Variants in SRGAP2 observed in about 807,000 individuals in gnomAD.
SRGAP2 encodes SLIT-ROBO Rho GTPase-activating protein 2.
SRGAP2 carries 15 observed loss-of-function variants against 57.2 expected under a neutral mutation model. That is an observed-to-expected ratio of 0.26 (90% CI 0.18 to 0.40). The LOEUF is 0.40. Among genes scored for constraint, SRGAP2 ranks in the 10% least tolerant of loss-of-function variants. SRGAP2 has a pLI of 1.00. For synonymous variants in SRGAP2, 249 were observed against 248.0 expected (o/e 1.00, Z -0.04); for missense variants, 520 against 669.6 (o/e 0.78, Z 2.47).
At chr1:206,354,819 C>T (rs1423135702) in intron 4 of SRGAP2, among the ~76,000 whole-genome samples, 1 of 146,654 alleles carries the variant, frequency 6.8e-6, no homozygotes, top group Non-Finnish European at 1.5e-5. Context: ...TCTCTTCCCT[C>T]TCCTTTCTCT....
rs1268752016 is a variant in SRGAP2, at chr1:206,450,398, T to C, written c.2112T>C (p.His704=). 2.6e-6 allele frequency: 2 copies of C among 780,728 alleles called. No individual in the cohort carries two copies. The highest frequency in any genetic ancestry group is 4.8e-6 in the Non-Finnish European group (2 of 417,986). The allele number at this position is 780,728 out of a possible 1,614,324, so 48.4% of individuals were successfully genotyped here. A position where few individuals can be genotyped will look rare whatever the true frequency, so the allele number is the denominator to read the frequency against. Residue 704 remains histidine (H), a synonymous_variant, in exon 19 of 23, where the codon CAT becomes CAC. Coordinates refer to ENST00000573034, the MANE Select transcript of SRGAP2 (RefSeq NM_015326.5). ...GSMEDYCDSP[H]GETTSVEDST... is the part of the protein sequence containing the mutation. Reference sequence around the variant, plus strand: ...GCTTCTGTTGCAGTGATAGCCCTCATGGAGAGACTACCTCGGTTGAAGACT... The same window carrying C: ...GCTTCTGTTGCAGTGATAGCCCTCACGGAGAGACTACCTCGGTTGAAGACT...
chr1:206,295,891 A>G (rs1360898538), intron 2 of SRGAP2, among the ~76,000 whole-genome samples: 3 of 151,956 alleles, frequency 2.0e-5, no homozygotes, highest in Admixed American at 6.6e-5. Context: ...TTTTTTATAT[A>G]TCTTTTATTT....
At chr1:206,424,295 T>G (rs1035796170) in intron 13 of SRGAP2, among the ~76,000 whole-genome samples, 5 of 152,012 alleles carry the variant, frequency 3.3e-5, no homozygotes, top group African/African-American at 1.2e-4. Flanking sequence ...GGAATTAAGC[T>G]GACAAGGATT....
At chr1:206,383,537 A>G (rs1475740074) in intron 4 of SRGAP2, among the ~76,000 whole-genome samples, 1 of 152,162 alleles carries the variant, frequency 6.6e-6, no homozygotes, top group Non-Finnish European at 1.5e-5. Context: ...AGTAAGAAAT[A>G]TAGTTCCATC....
intron 13 of SRGAP2, among the ~76,000 whole-genome samples, chr1:206,428,917 G>A (rs1233430271): frequency 6.6e-6 from 1 of 152,118 alleles, no homozygotes; most frequent in African/African-American, 2.4e-5. Context: ...CAAAGTGCTG[G>A]GATTACAGGT....
At chr1:206,266,992 G>A (rs1461523877) in intron 2 of SRGAP2, among the ~76,000 whole-genome samples, 187 of 114,100 alleles carry the variant, frequency 1.6e-3, no homozygotes, top group African/African-American at 4.8e-3. Flanking sequence ...TTTTTGAGAC[G>A]GAGTCTTGCT....
chr1:206,259,824 C>T (rs1571703500), intron 2 of SRGAP2, among the ~76,000 whole-genome samples: 1 of 130,522 alleles, frequency 7.7e-6, no homozygotes, highest in Non-Finnish European at 1.6e-5. Flanking sequence ...TTCTTTTAAC[C>T]CACAAAGCTA....
At chr1:206,373,929 G>C (rs1654959070) in intron 4 of SRGAP2, among the ~76,000 whole-genome samples, 1 of 151,144 alleles carries the variant, frequency 6.6e-6, no homozygotes, top group African/African-American at 2.4e-5. Context: ...AAAAAAGTCA[G>C]TAAAAATACA....
Position 206,386,797 on chromosome 1 carries a change from A to T in SRGAP2, c.486+2721A>T, listed in dbSNP as rs548798404. Reference sequence around the variant, plus strand: ...CTGGGCAACAGAGCGAGACTGTCTCAAAAAAAAAAAAAAGAAAAAGGAAAA... The same window carrying T: ...CTGGGCAACAGAGCGAGACTGTCTCTAAAAAAAAAAAAAGAAAAAGGAAAA... On this transcript the variant is annotated intron_variant, in intron 5 of 22. Transcript: ENST00000573034. 3.0e-4 allele frequency among the ~76,000 whole-genome samples: 39 copies of T among 128,826 alleles called. No homozygotes were observed. In the East Asian group the frequency reaches 6.3e-3, roughly 21 times the overall value. The allele number at this position is 128,826 out of a possible 152,430, so 84.5% of individuals were successfully genotyped here. A position where few individuals can be genotyped will look rare whatever the true frequency, so the allele number is the denominator to read the frequency against.
chr1:206,312,851 T>C (rs1192417243), intron 3 of SRGAP2, among the ~76,000 whole-genome samples: 23 of 151,966 alleles, frequency 1.5e-4, no homozygotes, highest in African/African-American at 5.6e-4. Flanking sequence ...TTGAAGAGCA[T>C]AAATGTATTC....
intron 4 of SRGAP2, among the ~76,000 whole-genome samples, chr1:206,375,158 C>T (rs1466600554): frequency 6.7e-6 from 1 of 150,144 alleles, no homozygotes; most frequent in Non-Finnish European, 1.5e-5. Flanking sequence ...CATTCTGGCT[C>T]TTTCCCCCGA....
At chr1:206,458,075 A>G (rs1463736866) in intron 21 of SRGAP2, among the ~76,000 whole-genome samples, 1 of 152,132 alleles carries the variant, frequency 6.6e-6, no homozygotes, top group Admixed American at 6.5e-5. Flanking sequence ...CTGGGCCCCA[A>G]CTCTGCAGTG....
At chr1:206,267,226 C>T (rs1323389683) in intron 2 of SRGAP2, among the ~76,000 whole-genome samples, 2 of 152,168 alleles carry the variant, frequency 1.3e-5, no homozygotes, top group Non-Finnish European at 2.9e-5. Context: ...CCTCTGCCTC[C>T]CAAAGTGCTG....
In SRGAP2 at chr1:206,342,220, TA is replaced by T. The variant is rs1248141203; in HGVS notation, c.261-623del. Among the ~76,000 whole-genome samples, 12 of 152,276 alleles carry T rather than the reference TA, an allele frequency of 7.9e-5. No individual in the cohort carries two copies. The East Asian group carries it at 2.1e-3, about 27-fold the overall frequency. ...CATATGTCTCCAAATTTGCCTTTAT[TA>T]AATCCTACAATGGATACATTTGTGG... On this transcript the variant is annotated intron_variant, in intron 3 of 22. Transcript: ENST00000573034.
chr1:206,292,955 TTGG>T (rs1671409739), intron 2 of SRGAP2, among the ~76,000 whole-genome samples: 1 of 151,824 alleles, frequency 6.6e-6, no homozygotes, highest in East Asian at 2.0e-4. Context: ...GAATAGGTGC[TTGG>T]TCCCTGCTTG....
chr1:206,311,907 GC>G (rs1156370080), intron 3 of SRGAP2, among the ~76,000 whole-genome samples: 1 of 149,816 alleles, frequency 6.7e-6, no homozygotes, highest in African/African-American at 2.5e-5. Context: ...ACAAGATGGG[GC>G]CAAGTGTGAG....
chr1:206,285,716 G>A (rs1670985289), intron 2 of SRGAP2, among the ~76,000 whole-genome samples: 1 of 152,192 alleles, frequency 6.6e-6, no homozygotes, highest in African/African-American at 2.4e-5. Context: ...CACCCAGGCT[G>A]GAGTGCAGCG....
chr1:206,441,344 G>A (rs782388787), intron 17 of SRGAP2, among the ~76,000 whole-genome samples: 4 of 152,138 alleles, frequency 2.6e-5, no homozygotes, highest in Non-Finnish European at 2.9e-5. Context: ...CCCAGGGAAC[G>A]GATGTGTCTA....
intron 13 of SRGAP2, among the ~76,000 whole-genome samples, chr1:206,423,681 A>G (rs1553365196): frequency 9.2e-5 from 14 of 152,080 alleles, no homozygotes; most frequent in Non-Finnish European, 2.9e-5. Flanking sequence ...TAACAAATGT[A>G]GTACAAATAA....
Sources: allele counts gnomAD v4.1 joint callset (sites outside exome capture counted in the v4.1 genomes callset), GRCh38; gene constraint gnomAD v4.1.1; transcripts MANE v1.5; gene names NCBI Gene and HGNC (gene_info 2026-07-23, HGNC 2026-07-21).